Variants in C8orf76 observed in about 807,000 individuals in gnomAD.
C8orf76 encodes the protein chromosome 8 open reading frame 76.
C8orf76 carries 46 observed loss-of-function variants against 38.1 expected under a neutral mutation model. The ratio of observed to expected loss-of-function variants is 1.21; its 90% CI spans 0.95 to 1.54. The LOEUF is 1.54. C8orf76 is among the 40% of genes most tolerant of loss of function. The pLI, the probability that C8orf76 is intolerant of heterozygous loss-of-function variation, is 0.00. For missense variants in C8orf76, 461 were observed against 441.6 expected (o/e 1.04, Z -0.39); for synonymous variants, 166 against 167.5 (o/e 0.99, Z 0.07).
At chr8:123,240,035 TTAAA>T (rs1204778829) in intron 1 of C8orf76, 1 of 152,226 alleles carries the variant, frequency 6.6e-6, no homozygotes, top group Non-Finnish European at 1.5e-5. Flanking sequence ...AGAATTTATA[TTAAA>T]TTCTATGCAC....
At chr8:123,226,161 A>T in intron 5 of C8orf76, 1 of 1,090,814 alleles carries the variant, frequency 9.2e-7, no homozygotes, top group Non-Finnish European at 1.1e-6. Context: ...TGATGAATGG[A>T]GGAAAAAAAA....
At chr8:123,233,783 C>G (rs939754132) in intron 3 of C8orf76, among the ~76,000 whole-genome samples, 3 of 151,746 alleles carry the variant, frequency 2.0e-5, no homozygotes, top group African/African-American at 7.3e-5. Context: ...AATCCCAGCA[C>G]TTTGGGAGGC....
intron 4 of C8orf76, among the ~76,000 whole-genome samples, chr8:123,229,155 T>C (rs746067209): frequency 5.9e-5 from 9 of 152,230 alleles, no homozygotes; most frequent in Non-Finnish European, 1.2e-4. Flanking sequence ...TCTGCCCCTC[T>C]GGGCGGTGCC....
chr8:123,236,565 G>A (rs1421767440), intron 3 of C8orf76, among the ~76,000 whole-genome samples: 4 of 152,114 alleles, frequency 2.6e-5, no homozygotes, highest in Admixed American at 6.5e-5. Context: ...GAGGCGGGCG[G>A]ATCACAAGGT....
chr8:123,233,324 A>C (rs1825345628), intron 3 of C8orf76, among the ~76,000 whole-genome samples: 5 of 151,534 alleles, frequency 3.3e-5, no homozygotes, highest in Admixed American at 3.3e-4. Context: ...CAGCCTCAAA[A>C]ACATTTTGAT....
At chr8:123,230,470 C>A (rs1269890425) in intron 4 of C8orf76, among the ~76,000 whole-genome samples, 2 of 152,124 alleles carry the variant, frequency 1.3e-5, no homozygotes, top group Non-Finnish European at 2.9e-5. Flanking sequence ...AACATTCCAT[C>A]TTGGACAATG....
intron 3 of C8orf76, among the ~76,000 whole-genome samples, chr8:123,233,298 C>T (rs1825344460): frequency 6.6e-6 from 1 of 151,980 alleles, no homozygotes; most frequent in African/African-American, 2.4e-5. Flanking sequence ...GGCTTACAGG[C>T]ATGAACCACT....
chr8:123,238,963 C>T (rs1455393318), intron 2 of C8orf76, 86 bp downstream of exon 2: 1 of 1,361,592 alleles, frequency 7.3e-7, no homozygotes, highest in Admixed American at 1.9e-5. Flanking sequence ...TTCATAAACA[C>T]CACACTAACT....
rs187067978 is a variant in C8orf76 at position 123,239,063 on chromosome 8, G to A, written c.199C>T (p.Arg67Ter). Residue 67 changes from arginine (R) to a stop codon, truncating the protein, a stop_gained, in exon 2 of 6, where the codon CGA becomes TGA. Transcript: ENST00000276704. LOFTEE classifies it high-confidence loss of function. ...KKFKGDLAYR[R>*]QEYQKALQEY... ...TTGAATTCTACCTGATACTCTTGTC[G>A]TCTGTAGGCCAGGTCTCCTTTGAAT... 33 of 1,614,018 alleles carry A rather than the reference G, an allele frequency of 2.0e-5. No individual in the cohort carries two copies. The highest frequency in any genetic ancestry group is 2.5e-5 in the Non-Finnish European group (29 of 1,179,976).
At chr8:123,236,719 G>A in intron 3 of C8orf76, 1 of 392,682 alleles carries the variant, frequency 2.5e-6, no homozygotes, top group South Asian at 2.3e-5. Flanking sequence ...GGGAGGCGGA[G>A]GTTGCGGCAA....
intron 3 of C8orf76, 123 bp from the exon 4 acceptor site, chr8:123,231,880 G>T: frequency 9.8e-7 from 1 of 1,017,740 alleles, no homozygotes; most frequent in Non-Finnish European, 1.4e-6. Flanking sequence ...GTAGCTATAC[G>T]AGTGACCTAA....
chr8:123,238,772 G>C (rs1244729872), intron 2 of C8orf76: 2 of 310,168 alleles, frequency 6.4e-6, no homozygotes, highest in East Asian at 5.9e-5. Flanking sequence ...CTGTGCTAGA[G>C]GGTCCTAAGT....
chr8:123,227,474 A>G (rs1825087371), intron 4 of C8orf76, among the ~76,000 whole-genome samples: 1 of 152,100 alleles, frequency 6.6e-6, no homozygotes, highest in South Asian at 2.1e-4. Flanking sequence ...AGGTAGTGAC[A>G]AGTGCTATGG....
At chr8:123,236,611 T>G (rs967328078) in intron 3 of C8orf76, among the ~76,000 whole-genome samples, 2 of 151,902 alleles carry the variant, frequency 1.3e-5, no homozygotes, top group African/African-American at 4.8e-5. Context: ...TGGTGAAACC[T>G]CGTCTCTACT....
At chr8:123,224,293 TA>T (rs1168372298) in intron 5 of C8orf76, among the ~76,000 whole-genome samples, 8 of 152,154 alleles carry the variant, frequency 5.3e-5, no homozygotes, top group African/African-American at 1.9e-4. Flanking sequence ...AGGGCTATGT[TA>T]TTACAAGTCA....
chr8:123,241,339 G>C lies in C8orf76; in HGVS notation c.8C>G (p.Ser3Cys), dbSNP rs753440010. Residue 3 changes from serine (S) to cysteine (C), a missense_variant, in exon 1 of 6, where the codon TCC becomes TGC. Ser to Cys is a moderately radical substitution (Grantham distance 112, BLOSUM62 -1). Coordinates refer to ENST00000276704, the MANE Select transcript of C8orf76 (RefSeq NM_032847.3). MD[S>C]GCWLFGGEFE... ...CTCGCCGCCGAACAACCAGCACCCG[G>C]AATCCATCTCGCGCCCGCGGCGGGG... 3.2e-6 allele frequency: 5 copies of C among 1,562,572 alleles called. No individual in the cohort carries two copies. Among genetic ancestry groups the C allele is most frequent in the African/African-American group, 1.4e-5 (1 of 69,870 alleles).
intron 5 of C8orf76, among the ~76,000 whole-genome samples, chr8:123,223,526 T>G (rs1257689645): frequency 6.6e-6 from 1 of 152,196 alleles, no homozygotes; most frequent in East Asian, 1.9e-4. Flanking sequence ...GAGAATTGCT[T>G]GAACCTGGAA....
chr8:123,239,559 C>A (rs1452586797), intron 1 of C8orf76: 1 of 159,964 alleles, frequency 6.3e-6, no homozygotes, highest in Non-Finnish European at 1.4e-5. Context: ...GAAGGAGGCT[C>A]CAATGCAACC....
At chr8:123,232,827 G>C (rs1243739229) in intron 3 of C8orf76, among the ~76,000 whole-genome samples, 1 of 152,166 alleles carries the variant, frequency 6.6e-6, no homozygotes, top group Non-Finnish European at 1.5e-5. Context: ...AGCTCCATAA[G>C]AGCTTTTGTT....
Sources: gnomAD v4.1 joint callset for allele counts (sites outside exome capture counted in the v4.1 genomes callset) on GRCh38, gnomAD v4.1.1 for gene constraint, MANE v1.5 for transcripts, NCBI Gene and HGNC (gene_info 2026-07-23, HGNC 2026-07-21) for gene names.